The following RBCK1 variants were observed in gnomAD, a reference collection of about 807,000 sequenced individuals.
RBCK1 encodes the protein ranBP-type and C3HC4-type zinc finger-containing protein 1.
Under a neutral mutation model 71.1 loss-of-function variants are expected in RBCK1, and 44 were observed. The observed-to-expected ratio is 0.62, with a 90% CI of 0.49 to 0.80. RBCK1 has a LOEUF of 0.80. Ranked by LOEUF, RBCK1 falls within the 30% of genes least tolerant of loss-of-function variation. The pLI, the probability that RBCK1 is intolerant of heterozygous loss-of-function variation, is 0.00. For missense variants in RBCK1, 569 were observed against 685.0 expected (o/e 0.83, Z 1.89); for synonymous variants, 306 against 279.7 (o/e 1.09, Z -0.94).
In RBCK1 at chr20:408,640, C is replaced by T; in HGVS notation, c.-118C>T. On this transcript the variant is annotated 5_prime_UTR_variant, in exon 1 of 12. Coordinates refer to ENST00000356286, the MANE Select transcript of RBCK1 (RefSeq NM_031229.4). ...GGCACACACAGGGCTTGGGCCGCGC[C>T]GGAGGCCACACGGCCTGGCTGAGTT... 7.3e-7 allele frequency: 1 copy of T among 1,363,400 alleles called. No homozygotes were observed. The highest frequency in any genetic ancestry group is 1.2e-5 in the South Asian group (1 of 80,666). The allele number at this position is 1,363,400 out of a possible 1,614,324, so 84.5% of individuals were successfully genotyped here.
intron 8 of RBCK1, among the ~76,000 whole-genome samples, chr20:424,839 A>G (rs184310368): frequency 1.4e-4 from 22 of 152,294 alleles, no homozygotes; most frequent in Admixed American, 1.2e-3. Context: ...TGACAGAGAG[A>G]AGGAGGCAGG....
rs2122333981 is a variant in RBCK1 at position 428,556 on chromosome 20, T to C, written c.1275T>C (p.Asp425=). 6.2e-7 allele frequency: 1 copy of C among 1,612,588 alleles called. No homozygotes were observed. Among genetic ancestry groups the C allele is most frequent in the Non-Finnish European group, 8.5e-7 (1 of 1,179,468 alleles). Reference sequence around the variant, plus strand: ...ACCTGGCCCTGCGGGCTCAGAACGATGTGGCTGCCCGGCAGACGACAGAGA... The same window carrying C: ...ACCTGGCCCTGCGGGCTCAGAACGACGTGGCTGCCCGGCAGACGACAGAGA... ...QEDLALRAQN[D]VAARQTTEML... The change falls in exon 10 of 12, where the codon GAT becomes GAC. Residue 425 remains aspartate (D), a synonymous_variant. Coordinates refer to ENST00000356286, the MANE Select transcript of RBCK1 (RefSeq NM_031229.4). The surrounding 1 kb of genome is among the most constrained non-coding windows in gnomAD (Gnocchi z 5.7).
At chr20:418,569 C>G (rs901005768) in intron 4 of RBCK1, among the ~76,000 whole-genome samples, 2 of 152,082 alleles carry the variant, frequency 1.3e-5, no homozygotes, top group African/African-American at 2.4e-5. Flanking sequence ...GGGGTTTCAC[C>G]GTGTTAGCCA....
chr20:418,635 T>TG, intron 4 of RBCK1, among the ~76,000 whole-genome samples: 1 of 152,374 alleles, frequency 6.6e-6, no homozygotes, highest in East Asian at 1.9e-4. Flanking sequence ...CCCAAAGTGC[T>TG]GGGATTACAG....
rs1195474163 is a variant in RBCK1, at chr20:418,566, C to T, written c.460+636C>T. 2.0e-5 allele frequency among the ~76,000 whole-genome samples: 3 copies of T among 152,236 alleles called. No homozygotes were observed. In the East Asian group the frequency reaches 5.8e-4, roughly 29 times the overall value. ...TATATTTTTAGTAGAGACGGGGTTT[C>T]ACCGTGTTAGCCAGGATGGTCTCGA... is the stretch of plus-strand genomic sequence containing the variant. On this transcript the variant is annotated intron_variant, in intron 4 of 11. Transcript: ENST00000356286.
At chr20:418,498 A>G (rs1036915909) in intron 4 of RBCK1, among the ~76,000 whole-genome samples, 1 of 152,094 alleles carries the variant, frequency 6.6e-6, no homozygotes, top group Non-Finnish European at 1.5e-5. Context: ...CCTCCGGAGT[A>G]GCTGGGACTA....
Position 428,411 on chromosome 20 carries a change from C to A in RBCK1, c.1210-80C>A. On this transcript the variant is annotated intron_variant, in intron 9 of 11. Coordinates refer to ENST00000356286, the MANE Select transcript of RBCK1 (RefSeq NM_031229.4). This position sits in a 1 kb window ranked among gnomAD's most constrained non-coding sequence, Gnocchi z 5.7. ...TAGAGGCATTAAGTGCCTTTGTGGA[C>A]TCCTGCCCTGCACCTCACCTCTCCC... The A allele has an allele frequency of 9.9e-7, 1 of 1,009,602 alleles. No individual in the cohort carries two copies. Among genetic ancestry groups the A allele is most frequent in the Non-Finnish European group, 1.4e-6 (1 of 691,370 alleles). 62.5% of individuals were successfully genotyped at this position (1,009,602 alleles called of 1,614,324 possible).
In RBCK1 at chr20:417,226, G is replaced by A; in HGVS notation, c.168-300G>A. ...TTCTGGTGGTTTCACTAAGGAGCAG[G>A]GGAGAGAAGACAGAAGAGGTTGGAG... On this transcript the variant is annotated intron_variant, in intron 2 of 11. Coordinates refer to ENST00000356286, the MANE Select transcript of RBCK1 (RefSeq NM_031229.4). This position sits in a 1 kb window ranked among gnomAD's most constrained non-coding sequence, Gnocchi z 4.7. 1 of 603,822 alleles carries A rather than the reference G, an allele frequency of 1.7e-6. No individual in the cohort carries two copies. Among genetic ancestry groups the A allele is most frequent in the Non-Finnish European group, 3.2e-6 (1 of 310,396 alleles). The allele number at this position is 603,822 out of a possible 1,614,324, so 37.4% of individuals were successfully genotyped here. A position where few individuals can be genotyped will look rare whatever the true frequency, so the allele number is the denominator to read the frequency against.
At position 418,075 on chromosome 20, in the gene RBCK1, A is replaced by C. The variant is rs1214500678; in HGVS notation, c.460+145A>C. The C allele has an allele frequency of 2.7e-5, 22 of 807,720 alleles. No individual in the cohort carries two copies. In the East Asian group the frequency reaches 4.1e-4, roughly 15 times the overall value. The allele number at this position is 807,720 out of a possible 1,614,324, so 50.0% of individuals were successfully genotyped here. ...ATCCAAGTGGGGAAGAGAGGACCTA[A>C]GACACATGGGAGGGAGCATTTCAGG... On this transcript the variant is annotated intron_variant, in intron 4 of 11. Coordinates refer to ENST00000356286, the MANE Select transcript of RBCK1 (RefSeq NM_031229.4).
chr20:419,981 C>T, intron 6 of RBCK1: 2 of 985,280 alleles, frequency 2.0e-6, no homozygotes, highest in Non-Finnish European at 2.4e-6. Flanking sequence ...ATGCCCCACT[C>T]CCACGTGGGC....
chr20:408,444 G>C lies in RBCK1; in HGVS notation c.-314G>C, dbSNP rs1408963100. 4.0e-6 allele frequency: 2 copies of C among 502,474 alleles called. No individual in the cohort carries two copies. Among genetic ancestry groups the C allele is most frequent in the Non-Finnish European group, 7.1e-6 (2 of 283,672 alleles). The allele number at this position is 502,474 out of a possible 1,614,324, so 31.1% of individuals were successfully genotyped here. On this transcript the variant is annotated 5_prime_UTR_variant, in exon 1 of 12. Coordinates refer to ENST00000356286, the MANE Select transcript of RBCK1 (RefSeq NM_031229.4). Reference sequence around the variant, plus strand: ...TCCGGGACTTGGAACGCCCCGGCTGGGTGGTGTCCGGGCGTCCTTTCCCCG... The same window carrying C: ...TCCGGGACTTGGAACGCCCCGGCTGCGTGGTGTCCGGGCGTCCTTTCCCCG...
rs1433648752 is a variant in RBCK1, at chr20:408,468, C to A, written c.-290C>A. The A allele has an allele frequency of 1.9e-6, 1 of 529,920 alleles. No individual in the cohort carries two copies. The highest frequency in any genetic ancestry group is 2.0e-5 in the African/African-American group (1 of 49,548). The allele number at this position is 529,920 out of a possible 1,614,324, so 32.8% of individuals were successfully genotyped here. Reference sequence around the variant, plus strand: ...GGGTGGTGTCCGGGCGTCCTTTCCCCGCTTCTTCCCACCTCGGCTGGTCCC... The same window carrying A: ...GGGTGGTGTCCGGGCGTCCTTTCCCAGCTTCTTCCCACCTCGGCTGGTCCC... On this transcript the variant is annotated 5_prime_UTR_variant, in exon 1 of 12. Coordinates refer to ENST00000356286, the MANE Select transcript of RBCK1 (RefSeq NM_031229.4).
chr20:417,932 T>A lies in RBCK1; in HGVS notation c.460+2T>A. ...AGCGGCAGCTGCGGATGCTGGAAGG[T>A]GAGGCTCTGCCCTGAGCACCGCCGG... On this transcript the variant is annotated splice_donor_variant, in intron 4 of 11. Transcript: ENST00000356286. LOFTEE classifies it high-confidence loss of function. The surrounding 1 kb of genome is among the most constrained non-coding windows in gnomAD (Gnocchi z 4.7). 1 of 1,603,976 alleles carries A rather than the reference T, an allele frequency of 6.2e-7. No individual in the cohort carries two copies.
intron 6 of RBCK1, chr20:420,218 C>T: frequency 2.0e-6 from 2 of 985,174 alleles, no homozygotes; most frequent in Non-Finnish European, 2.4e-6. Context: ...TTCCTGAGAG[C>T]CTGGCCTGGA....
Position 417,467 on chromosome 20 carries a change from G to A in RBCK1, c.168-59G>A, listed in dbSNP as rs1033653789. ...TGCAAATATGTACATGTCTGTAGCCGGTGGCTGAGGCTGGACCCCTGGCCA... is the reference window on the plus strand; with the variant it reads ...TGCAAATATGTACATGTCTGTAGCCAGTGGCTGAGGCTGGACCCCTGGCCA... On this transcript the variant is annotated intron_variant, in intron 2 of 11. Transcript: ENST00000356286. This position sits in a 1 kb window ranked among gnomAD's most constrained non-coding sequence, Gnocchi z 4.7. The A allele has an allele frequency of 6.5e-5, 93 of 1,438,342 alleles. No individual in the cohort carries two copies. Among genetic ancestry groups the A allele is most frequent in the Non-Finnish European group, 7.2e-5 (74 of 1,023,150 alleles). 89.1% of individuals were successfully genotyped at this position (1,438,342 alleles called of 1,614,324 possible).
In RBCK1 at chr20:430,600, G is replaced by T; in HGVS notation, c.*170G>T. 2 of 666,488 alleles carry T rather than the reference G, an allele frequency of 3.0e-6. No individual in the cohort carries two copies. Among genetic ancestry groups the T allele is most frequent in the Non-Finnish European group, 5.2e-6 (2 of 386,478 alleles). 41.3% of individuals were successfully genotyped at this position (666,488 alleles called of 1,614,324 possible). A position where few individuals can be genotyped will look rare whatever the true frequency, so the allele number is the denominator to read the frequency against. ...CCCCAGTGCCTTTGTCCTTCCCTTGGGGCTTGCCGGCCAGACTTCTCTCCC... is the reference window on the plus strand; with the variant it reads ...CCCCAGTGCCTTTGTCCTTCCCTTGTGGCTTGCCGGCCAGACTTCTCTCCC... On this transcript the variant is annotated 3_prime_UTR_variant, in exon 12 of 12. Transcript: ENST00000356286. The surrounding 1 kb of genome is among the most constrained non-coding windows in gnomAD (Gnocchi z 5.6).
chr20:408,871 A>G, intron 1 of RBCK1, 92 bp downstream of exon 1: 1 of 1,450,364 alleles, frequency 6.9e-7, no homozygotes, highest in Non-Finnish European at 9.4e-7. Flanking sequence ...GGCCTTGGAG[A>G]GGGGGCTTTA....
chr20:408,518 C>A lies in RBCK1; in HGVS notation c.-240C>A. 1 of 601,740 alleles carries A rather than the reference C, an allele frequency of 1.7e-6. No individual in the cohort carries two copies. Among genetic ancestry groups the A allele is most frequent in the Non-Finnish European group, 3.0e-6 (1 of 336,926 alleles). 37.3% of individuals were successfully genotyped at this position (601,740 alleles called of 1,614,324 possible). A position where few individuals can be genotyped will look rare whatever the true frequency, so the allele number is the denominator to read the frequency against. ...CGTTTCCTCCTGCGCCCAGTGCGGA[C>A]CTGTCTCGGCGCCCGCTGCCCTCTC... On this transcript the variant is annotated 5_prime_UTR_variant, in exon 1 of 12. Transcript: ENST00000356286.
chr20:420,323 C>T, intron 6 of RBCK1: 3 of 984,834 alleles, frequency 3.0e-6, no homozygotes, highest in South Asian at 9.4e-5. Context: ...ATGACACAGA[C>T]ATTGATCCCC....
Sources: allele counts gnomAD v4.1 joint callset (sites outside exome capture counted in the v4.1 genomes callset), GRCh38; gene constraint gnomAD v4.1.1; non-coding constraint Gnocchi (gnomAD v3.1); transcripts MANE v1.5; gene names NCBI Gene and HGNC (gene_info 2026-07-23, HGNC 2026-07-21).